The following PTPRD variants were observed in gnomAD, a reference collection of about 807,000 sequenced individuals.
The protein encoded by PTPRD is protein tyrosine phosphatase receptor type D.
A neutral mutation model predicts 214.5 loss-of-function variants in PTPRD; 34 were observed. The observed-to-expected ratio is 0.16, with a 90% CI of 0.12 to 0.21. The LOEUF (loss-of-function observed/expected upper bound fraction) is 0.21, where lower values mean the gene tolerates loss of function less well. Among genes scored for constraint, PTPRD ranks in the 10% least tolerant of loss-of-function variants. The pLI is 1.00. For synonymous variants in PTPRD, 1,128 were observed against 845.7 expected (o/e 1.33, Z -5.79); for missense variants, 2,545 against 2,398.7 (o/e 1.06, Z -1.27).
chr9:8,421,169 C>T (rs1444628576), intron 35 of PTPRD, among the ~76,000 whole-genome samples: 5 of 152,108 alleles, frequency 3.3e-5, no homozygotes, highest in Admixed American at 2.6e-4. Context: ...TATCATGTGA[C>T]TATGCTTGGA....
intron 5 of PTPRD, among the ~76,000 whole-genome samples, chr9:9,828,019 G>C (rs1342209225): frequency 2.0e-5 from 3 of 152,160 alleles, no homozygotes; most frequent in African/African-American, 7.2e-5. Context: ...TGCTGGAGAG[G>C]ATGTGGAGAA....
intron 11 of PTPRD, among the ~76,000 whole-genome samples, chr9:9,005,880 C>G (rs1359746956): frequency 6.6e-6 from 1 of 151,964 alleles, no homozygotes; most frequent in Admixed American, 6.6e-5. Flanking sequence ...ACTGGCTTCA[C>G]TAACCTATAG....
At chr9:9,780,915 G>C (rs996706744) in intron 5 of PTPRD, among the ~76,000 whole-genome samples, 1 of 152,212 alleles carries the variant, frequency 6.6e-6, no homozygotes, top group Non-Finnish European at 1.5e-5. Flanking sequence ...AAATGACTGA[G>C]TGAAAGAGGC....
At chr9:8,933,505 T>A (rs1423584321) in intron 11 of PTPRD, among the ~76,000 whole-genome samples, 1 of 152,064 alleles carries the variant, frequency 6.6e-6, no homozygotes, top group Non-Finnish European at 1.5e-5. Flanking sequence ...AATAACATGC[T>A]TCTCAAGTCC....
intron 5 of PTPRD, among the ~76,000 whole-genome samples, chr9:9,852,764 A>G (rs954412883): frequency 2.6e-5 from 4 of 152,200 alleles, no homozygotes; most frequent in Non-Finnish European, 5.9e-5. Context: ...CATTTATTCT[A>G]AATTATACTA....
At chr9:8,369,222 C>T (rs2080817340) in intron 39 of PTPRD, among the ~76,000 whole-genome samples, 1 of 152,106 alleles carries the variant, frequency 6.6e-6, no homozygotes, top group Admixed American at 6.6e-5. Flanking sequence ...TTCCACAGCA[C>T]TCTTAGCTTC....
At chr9:9,281,259 C>T (rs995058849) in intron 9 of PTPRD, among the ~76,000 whole-genome samples, 5 of 151,032 alleles carry the variant, frequency 3.3e-5, no homozygotes, top group African/African-American at 1.2e-4. Context: ...ATAGTCTGGG[C>T]CTCACTGAAA....
intron 3 of PTPRD, among the ~76,000 whole-genome samples, chr9:10,197,550 G>C (rs1173509533): frequency 6.6e-6 from 1 of 152,104 alleles, no homozygotes; most frequent in African/African-American, 2.4e-5. Flanking sequence ...ATCTCTGTAA[G>C]AAATAAGAGG....
At chr9:9,874,481 G>T (rs892760879) in intron 5 of PTPRD, among the ~76,000 whole-genome samples, 1 of 152,126 alleles carries the variant, frequency 6.6e-6, no homozygotes, top group East Asian at 1.9e-4. Context: ...GAAGTTAAAT[G>T]TAAGCAGGAC....
chr9:10,126,725 T>C (rs1242165378), intron 3 of PTPRD, among the ~76,000 whole-genome samples: 1 of 152,162 alleles, frequency 6.6e-6, no homozygotes, highest in Non-Finnish European at 1.5e-5. Context: ...AAGGGCCTGC[T>C]GACAGGGATG....
chr9:10,019,670 C>A (rs978626758), intron 4 of PTPRD, among the ~76,000 whole-genome samples: 1 of 151,920 alleles, frequency 6.6e-6, no homozygotes, highest in Non-Finnish European at 1.5e-5. Context: ...AGCAAACTAT[C>A]GCAAGGACAA....
intron 10 of PTPRD, among the ~76,000 whole-genome samples, chr9:9,046,262 G>C (rs762252978): frequency 5.3e-5 from 8 of 152,144 alleles, no homozygotes; most frequent in Non-Finnish European, 7.4e-5. Flanking sequence ...ACAAATTACA[G>C]ATAATTACTT....
chr9:10,287,195 T>C (rs2095385216), intron 3 of PTPRD, among the ~76,000 whole-genome samples: 1 of 152,160 alleles, frequency 6.6e-6, no homozygotes, highest in Non-Finnish European at 1.5e-5. Flanking sequence ...AGGTAAAAAT[T>C]GACAAGGGTA....
At chr9:9,718,344 G>T (rs1179615219) in intron 7 of PTPRD, among the ~76,000 whole-genome samples, 1 of 152,216 alleles carries the variant, frequency 6.6e-6, no homozygotes, top group African/African-American at 2.4e-5. Context: ...ACTGACGGCT[G>T]CAGAAGCCCA....
chr9:10,084,856 T>G (rs187169281), intron 3 of PTPRD, among the ~76,000 whole-genome samples: 8 of 152,000 alleles, frequency 5.3e-5, no homozygotes, highest in East Asian at 3.9e-4. Context: ...ACAGCATGCT[T>G]AGAACATAAT....
intron 2 of PTPRD, among the ~76,000 whole-genome samples, chr9:10,454,398 A>G (rs889914137): frequency 6.8e-6 from 1 of 148,068 alleles, no homozygotes; most frequent in African/African-American, 2.6e-5. Context: ...TGAGCCAAAT[A>G]CATTCCTCAG....
At chr9:8,569,421 A>C (rs879769444) in intron 14 of PTPRD, among the ~76,000 whole-genome samples, 5 of 152,146 alleles carry the variant, frequency 3.3e-5, no homozygotes, top group Admixed American at 2.6e-4. Flanking sequence ...ACAGGCAGAG[A>C]GGGGAAGAAC....
intron 2 of PTPRD, among the ~76,000 whole-genome samples, chr9:10,357,613 C>A (rs1293415547): frequency 6.6e-6 from 1 of 152,100 alleles, no homozygotes; most frequent in Non-Finnish European, 1.5e-5. Context: ...ATTATTATAT[C>A]CTTTTGTGCT....
In PTPRD at chr9:9,986,893, ATAT is replaced by A. The variant is rs1169835882; in HGVS notation, c.-472+46822_-472+46824del. Among the ~76,000 whole-genome samples, 313 of 71,942 alleles carry A rather than the reference ATAT, an allele frequency of 4.4e-3. 1 individual carries two copies. The highest frequency in any genetic ancestry group is 0.012 in the African/African-American group (291 of 23,988). 47.2% of individuals were successfully genotyped at this position (71,942 alleles called of 152,430 possible). A position where few individuals can be genotyped will look rare whatever the true frequency, so the allele number is the denominator to read the frequency against. ...AAAATATGTTAATAGTGTAGATTTC[ATAT>A]TTTTTTTTTACTGTAATTAAAAGAT... On this transcript the variant is annotated intron_variant, in intron 4 of 45. Coordinates refer to ENST00000381196, the MANE Select transcript of PTPRD (RefSeq NM_002839.4).
Sources: gnomAD v4.1 joint callset for allele counts (sites outside exome capture counted in the v4.1 genomes callset) on GRCh38, gnomAD v4.1.1 for gene constraint, MANE v1.5 for transcripts, NCBI Gene and HGNC (gene_info 2026-07-23, HGNC 2026-07-21) for gene names.